The following TRPC4 variants were observed in gnomAD, a reference collection of about 807,000 sequenced individuals.
TRPC4 encodes short transient receptor potential channel 4.
A neutral mutation model predicts 99.4 loss-of-function variants in TRPC4; 49 were observed. The ratio of observed to expected loss-of-function variants is 0.49; its 90% CI spans 0.39 to 0.63. The LOEUF is 0.63. TRPC4 is among the 20% of genes least tolerant of loss of function. The probability of loss-of-function intolerance (pLI) is 0.00; values close to 1 mark genes in which losing one functional copy is unlikely to be tolerated. For missense variants in TRPC4, 898 were observed against 1,152.9 expected, an observed-to-expected ratio of 0.78 and a Z score of 3.20; for synonymous variants, 454 against 425.9, an observed-to-expected ratio of 1.07 and a Z score of -0.81.
At chr13:37,724,841 T>C (rs973785710) in intron 3 of TRPC4, among the ~76,000 whole-genome samples, 2 of 152,210 alleles carry the variant, frequency 1.3e-5, no homozygotes, top group African/African-American at 4.8e-5. Flanking sequence ...ATTTGTTATT[T>C]AATGAGTACT....
chr13:37,749,292 G>C (rs142760912), intron 2 of TRPC4, among the ~76,000 whole-genome samples: 4 of 151,820 alleles, frequency 2.6e-5, no homozygotes, highest in African/African-American at 9.7e-5. Flanking sequence ...CAGTGAAAAC[G>C]GACTAATACA....
At chr13:37,735,628 C>A (rs1013418021) in intron 3 of TRPC4, among the ~76,000 whole-genome samples, 5 of 152,048 alleles carry the variant, frequency 3.3e-5, no homozygotes, top group Non-Finnish European at 7.4e-5. Flanking sequence ...TCAGAAGTAC[C>A]CGTTTTATGC....
chr13:37,783,999 T>C (rs929829106), intron 1 of TRPC4, among the ~76,000 whole-genome samples: 1 of 152,134 alleles, frequency 6.6e-6, no homozygotes, highest in Non-Finnish European at 1.5e-5. Context: ...TGAGCCACTG[T>C]GCCCTGCCCT....
At chr13:37,791,650 C>T (rs749004475) in intron 1 of TRPC4, among the ~76,000 whole-genome samples, 2 of 151,938 alleles carry the variant, frequency 1.3e-5, no homozygotes, top group Non-Finnish European at 2.9e-5. Flanking sequence ...TGAAAATTAG[C>T]AAACATAATA....
chr13:37,855,396 T>C (rs1264043961), intron 1 of TRPC4, among the ~76,000 whole-genome samples: 1 of 149,534 alleles, frequency 6.7e-6, no homozygotes, highest in Non-Finnish European at 1.5e-5. Context: ...AAAACATATG[T>C]TATTAAAGAG....
chr13:37,763,827 C>T (rs1418675065), intron 2 of TRPC4, among the ~76,000 whole-genome samples: 1 of 151,492 alleles, frequency 6.6e-6, no homozygotes, highest in Non-Finnish European at 1.5e-5. Context: ...ATAGAGTGAG[C>T]AGGGAAGAAA....
chr13:37,774,482 T>C (rs555904431), intron 2 of TRPC4, among the ~76,000 whole-genome samples: 8 of 151,978 alleles, frequency 5.3e-5, no homozygotes, highest in Middle Eastern at 3.4e-3. Flanking sequence ...GAACTCATTC[T>C]TGAAAAGAAC....
intron 4 of TRPC4, among the ~76,000 whole-genome samples, chr13:37,687,769 C>T (rs9548017): frequency 0.12 from 18,932 of 152,204 alleles, 1,508 homozygotes; most frequent in Middle Eastern, 0.24. Context: ...TCTTTCTAAT[C>T]CATCATTCAG....
At chr13:37,648,546 T>C (rs1951918457) in intron 8 of TRPC4, among the ~76,000 whole-genome samples, 1 of 150,932 alleles carries the variant, frequency 6.6e-6, no homozygotes, top group African/African-American at 2.4e-5. Flanking sequence ...ATATTAATGG[T>C]TAAAAAAAAA....
chr13:37,749,313 A>AT (rs1305818035), intron 2 of TRPC4, among the ~76,000 whole-genome samples: 3 of 152,120 alleles, frequency 2.0e-5, no homozygotes, highest in African/African-American at 7.2e-5. Flanking sequence ...GTAAATAACT[A>AT]TTTTTAAATT....
chr13:37,702,750 A>C (rs369012589), intron 3 of TRPC4, among the ~76,000 whole-genome samples: 4 of 152,324 alleles, frequency 2.6e-5, no homozygotes, highest in South Asian at 4.1e-4. Flanking sequence ...ATAGGCAGTC[A>C]GCTATATACA....
At chr13:37,688,249 T>C (rs1953558630) in intron 4 of TRPC4, among the ~76,000 whole-genome samples, 1 of 152,192 alleles carries the variant, frequency 6.6e-6, no homozygotes, top group Non-Finnish European at 1.5e-5. Context: ...AGAAGAGCGA[T>C]TATGAACTGC....
intron 1 of TRPC4, among the ~76,000 whole-genome samples, chr13:37,793,873 A>G (rs1957182187): frequency 6.6e-6 from 1 of 152,116 alleles, no homozygotes; most frequent in South Asian, 2.1e-4. Context: ...CCAGGAACTT[A>G]CGCTAGAGTT....
chr13:37,720,023 G>C (rs1213840545), intron 3 of TRPC4, among the ~76,000 whole-genome samples: 1 of 152,100 alleles, frequency 6.6e-6, no homozygotes, highest in African/African-American at 2.4e-5. Flanking sequence ...AGGAGGCTAA[G>C]GTGATGCTGC....
At chr13:37,842,361 AAAAAAAAAAGG>A (rs1390502334) in intron 1 of TRPC4, among the ~76,000 whole-genome samples, 4 of 144,178 alleles carry the variant, frequency 2.8e-5, no homozygotes, top group South Asian at 2.2e-4. Flanking sequence ...AAAAAAAAAA[AAAAAAAAAAGG>A]AAAAGGAAAA....
At chr13:37,746,960 A>G (rs1955804654) in intron 2 of TRPC4, among the ~76,000 whole-genome samples, 1 of 152,086 alleles carries the variant, frequency 6.6e-6, no homozygotes, top group Admixed American at 6.6e-5. Context: ...CTTTCCTATC[A>G]TTCAGCCTAG....
At chr13:37,650,609 CT>C (rs1239999119) in intron 8 of TRPC4, among the ~76,000 whole-genome samples, 24 of 25,392 alleles carry the variant, frequency 9.5e-4, no homozygotes, top group South Asian at 2.7e-3. Flanking sequence ...CTCTCTCTCT[CT>C]ATACACACAC....
intron 3 of TRPC4, among the ~76,000 whole-genome samples, chr13:37,732,419 G>A (rs1171721893): frequency 4.6e-5 from 7 of 151,982 alleles, no homozygotes; most frequent in African/African-American, 1.7e-4. Context: ...AGACAAGGGT[G>A]CCACTTTTAC....
chr13:37,665,963 A>G (rs189889485), intron 5 of TRPC4, among the ~76,000 whole-genome samples: 92 of 152,042 alleles, frequency 6.1e-4, no homozygotes, highest in African/African-American at 2.0e-3. Flanking sequence ...CCAGGAAAAA[A>G]TGCTGCATGA....
Sources: gnomAD v4.1 joint callset for allele counts (sites outside exome capture counted in the v4.1 genomes callset) on GRCh38, gnomAD v4.1.1 for gene constraint, MANE v1.5 for transcripts, NCBI Gene and HGNC (gene_info 2026-07-23, HGNC 2026-07-21) for gene names.